The following PLPPR5 variants were observed in gnomAD, a reference collection of about 807,000 sequenced individuals.
PLPPR5 encodes the protein phospholipid phosphatase related 5, also known as phospholipid phosphatase-related protein type 5.
Under a neutral mutation model 33.9 loss-of-function variants are expected in PLPPR5, and 16 were observed. That is an observed-to-expected ratio of 0.47 (90% CI 0.32 to 0.72). PLPPR5 has a LOEUF of 0.72. PLPPR5 is among the 30% of genes least tolerant of loss of function. PLPPR5 has a pLI of 0.03. For synonymous variants in PLPPR5, 163 were observed against 150.3 expected (o/e 1.08, Z -0.62); for missense variants, 301 against 406.7 (o/e 0.74, Z 2.23).
At chr1:98,930,741 T>C (rs1272419973) in intron 3 of PLPPR5, among the ~76,000 whole-genome samples, 2 of 152,178 alleles carry the variant, frequency 1.3e-5, no homozygotes, top group African/African-American at 4.8e-5. Context: ...AGTGAGTAAG[T>C]AAAGGGCAGG....
intron 3 of PLPPR5, among the ~76,000 whole-genome samples, chr1:98,946,675 ACATTGGGTGGGACT>A (rs2101200856): frequency 6.6e-6 from 1 of 152,236 alleles, no homozygotes; most frequent in South Asian, 2.1e-4. Context: ...TCCCTCCTGG[ACATTGGGTGGGACT>A]CATCATTACC....
chr1:98,998,598 G>A (rs890566328), intron 1 of PLPPR5, among the ~76,000 whole-genome samples: 1 of 152,132 alleles, frequency 6.6e-6, no homozygotes, highest in African/African-American at 2.4e-5. Flanking sequence ...TCCTGGTACT[G>A]AATCACTATG....
chr1:98,904,748 C>T (rs901021379), intron 5 of PLPPR5, among the ~76,000 whole-genome samples: 2 of 152,092 alleles, frequency 1.3e-5, no homozygotes, highest in Non-Finnish European at 2.9e-5. Flanking sequence ...TGAGGATCAT[C>T]TGGAAGGACT....
intron 5 of PLPPR5, among the ~76,000 whole-genome samples, chr1:98,898,187 C>T (rs1648552740): frequency 6.6e-6 from 1 of 152,116 alleles, no homozygotes; most frequent in African/African-American, 2.4e-5. Context: ...TGCAGAAATA[C>T]TCATCTGTGA....
chr1:98,893,230 T>C, intron 5 of PLPPR5, 126 bp from the exon 6 acceptor site: 1 of 753,952 alleles, frequency 1.3e-6, no homozygotes, highest in South Asian at 2.5e-5. Context: ...ACATCCAGCA[T>C]TATTAAACTA....
At chr1:98,966,039 T>C (rs1459904625) in intron 1 of PLPPR5, among the ~76,000 whole-genome samples, 1 of 152,188 alleles carries the variant, frequency 6.6e-6, no homozygotes, top group African/African-American at 2.4e-5. Flanking sequence ...GTTTTATTTG[T>C]TACAGAAACT....
chr1:98,973,940 C>T (rs17273773), intron 1 of PLPPR5, among the ~76,000 whole-genome samples: 1 of 151,712 alleles, frequency 6.6e-6, no homozygotes, highest in Non-Finnish European at 1.5e-5. Flanking sequence ...AAATCAATCC[C>T]GAAAAAGGCA....
intron 1 of PLPPR5, among the ~76,000 whole-genome samples, chr1:98,971,383 A>G (rs1651652783): frequency 6.6e-6 from 1 of 151,928 alleles, no homozygotes; most frequent in Non-Finnish European, 1.5e-5. Context: ...AAGCTTTCCT[A>G]TTGATTATAA....
rs144914101 is a variant in PLPPR5, at chr1:98,993,248, A to T, written c.237+11187T>A. ...TCTAAGCCCTTCTTCACGACTAAAA[A>T]GTTCCAGTTATGAAGAAGCATGTTC... is the stretch of plus-strand genomic sequence containing the variant. On this transcript the variant is annotated intron_variant, in intron 1 of 5. Coordinates refer to ENST00000263177, the MANE Select transcript of PLPPR5 (RefSeq NM_001037317.2). Among the ~76,000 whole-genome samples the T allele has an allele frequency of 4.8e-3, 724 of 152,236 alleles. 1 individual carries two copies. The highest frequency in any genetic ancestry group is 7.5e-3 in the Non-Finnish European group (510 of 67,974).
chr1:98,901,554 G>A (rs1407870304), intron 5 of PLPPR5, among the ~76,000 whole-genome samples: 5 of 152,008 alleles, frequency 3.3e-5, no homozygotes. Context: ...TTGAATTATT[G>A]TTTTATCATC....
chr1:98,934,819 G>T (rs1461221435), intron 3 of PLPPR5, among the ~76,000 whole-genome samples: 1 of 152,134 alleles, frequency 6.6e-6, no homozygotes, highest in Non-Finnish European at 1.5e-5. Context: ...TCCTGTAGGG[G>T]CCATTTTTAT....
At chr1:98,944,568 TC>T (rs1228040649) in intron 3 of PLPPR5, among the ~76,000 whole-genome samples, 1 of 152,248 alleles carries the variant, frequency 6.6e-6, no homozygotes, top group African/African-American at 2.4e-5. Context: ...AGAGCCTTGA[TC>T]TTGGACTTTC....
chr1:98,978,766 T>C (rs1206254297), intron 1 of PLPPR5, among the ~76,000 whole-genome samples: 2 of 152,082 alleles, frequency 1.3e-5, no homozygotes, highest in African/African-American at 2.4e-5. Context: ...CATTAGCTTC[T>C]ATACAATGAA....
At chr1:99,001,133 C>CTTTT (rs72190147) in intron 1 of PLPPR5, among the ~76,000 whole-genome samples, 2 of 134,892 alleles carry the variant, frequency 1.5e-5, no homozygotes, top group Non-Finnish European at 3.2e-5. Context: ...GTTCCCAACT[C>CTTTT]TTTTTTTTTT....
At chr1:98,920,094 C>T (rs1649489511) in intron 4 of PLPPR5, among the ~76,000 whole-genome samples, 2 of 152,124 alleles carry the variant, frequency 1.3e-5, no homozygotes, top group South Asian at 4.1e-4. Context: ...CGTTCTCAAC[C>T]TGTGCAATTG....
intron 3 of PLPPR5, among the ~76,000 whole-genome samples, chr1:98,936,777 T>A (rs1650181504): frequency 1.3e-5 from 2 of 152,240 alleles, no homozygotes; most frequent in Non-Finnish European, 2.9e-5. Context: ...AGGCACAGCC[T>A]CTAAGTCTTG....
At chr1:98,987,281 T>C (rs1466533655) in intron 1 of PLPPR5, among the ~76,000 whole-genome samples, 3 of 151,844 alleles carry the variant, frequency 2.0e-5, no homozygotes, top group Non-Finnish European at 4.4e-5. Context: ...TTAGGCTTAT[T>C]TGATATGTTA....
chr1:98,936,326 C>A (rs1650168144), intron 3 of PLPPR5, among the ~76,000 whole-genome samples: 1 of 152,102 alleles, frequency 6.6e-6, no homozygotes. Flanking sequence ...GTGTAAAGAG[C>A]ATTCTGAAGT....
At chr1:98,983,945 T>C (rs1570755214) in intron 1 of PLPPR5, among the ~76,000 whole-genome samples, 4 of 140,792 alleles carry the variant, frequency 2.8e-5, no homozygotes, top group African/African-American at 1.0e-4. Flanking sequence ...GTTGTTTTTT[T>C]CTTTTTTTTT....
Sources: gnomAD v4.1 joint callset for allele counts (sites outside exome capture counted in the v4.1 genomes callset) on GRCh38, gnomAD v4.1.1 for gene constraint, MANE v1.5 for transcripts, NCBI Gene and HGNC (gene_info 2026-07-23, HGNC 2026-07-21) for gene names.